The following ARHGEF7 variants were observed in gnomAD, a reference collection of about 807,000 sequenced individuals.
ARHGEF7 encodes PAK-interacting exchange factor beta.
In ARHGEF7, 33 loss-of-function variants were observed where a neutral mutation model predicts 109.8. The observed-to-expected ratio is 0.30, with a 90% confidence interval of 0.23 to 0.40. ARHGEF7 has a LOEUF of 0.40. ARHGEF7 is among the 10% of genes least tolerant of loss of function. ARHGEF7 has a pLI of 1.00. For missense variants in ARHGEF7, 938 were observed against 1,098.5 expected, an observed-to-expected ratio of 0.85 and a Z score of 2.07; for synonymous variants, 458 against 424.6, an observed-to-expected ratio of 1.08 and a Z score of -0.97.
chr13:111,178,667 G>A (rs1368382501), intron 2 of ARHGEF7, among the ~76,000 whole-genome samples: 1 of 152,232 alleles, frequency 6.6e-6, no homozygotes, highest in East Asian at 1.9e-4. Flanking sequence ...CCAGCCATCT[G>A]TCAGGGAGGC....
At chr13:111,124,909 G>A (rs1021006862) in intron 1 of ARHGEF7, among the ~76,000 whole-genome samples, 5 of 152,112 alleles carry the variant, frequency 3.3e-5, no homozygotes, top group African/African-American at 1.2e-4. Context: ...ACAGGTGTGC[G>A]CCACCATGCC....
chr13:111,266,691 G>T lies in ARHGEF7; in HGVS notation c.951-857G>T. ...GGAATCCCTGGTGTTCATGTTTTTG[G>T]TCACTTTTTCTCTGGCTCCCATTCC... On this transcript the variant is annotated intron_variant, in intron 8 of 21. Coordinates refer to ENST00000646102, the MANE Select transcript of ARHGEF7 (RefSeq NM_001354046.2). This position sits in a 1 kb window ranked among gnomAD's most constrained non-coding sequence, Gnocchi z 4.8. The T allele has an allele frequency of 5.0e-6, 2 of 398,188 alleles. No homozygotes were observed. Among genetic ancestry groups the T allele is most frequent in the South Asian group, 1.8e-5 (1 of 55,664 alleles). The allele number at this position is 398,188 out of a possible 1,614,324, so 24.7% of individuals were successfully genotyped here.
intron 2 of ARHGEF7, chr13:111,158,978 G>A (rs972800776): frequency 5.6e-6 from 4 of 716,568 alleles, no homozygotes; most frequent in African/African-American, 1.7e-5. Flanking sequence ...CCTCCCGTCC[G>A]ACTGAAATTT....
chr13:111,130,442 C>G (rs1485229372), intron 1 of ARHGEF7, among the ~76,000 whole-genome samples: 3 of 152,124 alleles, frequency 2.0e-5, no homozygotes, highest in African/African-American at 7.2e-5. Context: ...TTTGCTGTCC[C>G]CTACTTTTGA....
At chr13:111,200,691 A>G (rs1184142139) in intron 2 of ARHGEF7, among the ~76,000 whole-genome samples, 1 of 152,210 alleles carries the variant, frequency 6.6e-6, no homozygotes, top group African/African-American at 2.4e-5. Flanking sequence ...CATACATGAC[A>G]AGGTTAGTAT....
intron 6 of ARHGEF7, among the ~76,000 whole-genome samples, chr13:111,242,597 G>T (rs991187109): frequency 6.6e-6 from 1 of 152,222 alleles, no homozygotes; most frequent in Non-Finnish European, 1.5e-5. Context: ...CACTAGCTCT[G>T]TAACAGACTC....
rs1465266052 is a variant in ARHGEF7 at position 111,145,580 on chromosome 13, GT to G, written c.166-8322del. The stretch of plus-strand genomic sequence containing the variant: ...GGGAGGGGTGGCCCTGGCGTGTACC[GT>G]TTGCTGATTTCTGTGCCGTAGGTAC... On this transcript the variant is annotated intron_variant, in intron 1 of 21. Transcript: ENST00000646102. The surrounding 1 kb of genome is among the most constrained non-coding windows in gnomAD (Gnocchi z 4.3). 6.6e-6 allele frequency among the ~76,000 whole-genome samples: 1 copy of G among 152,142 alleles called. No homozygotes were observed. The highest frequency in any genetic ancestry group is 6.5e-5 in the Admixed American group (1 of 15,280).
In ARHGEF7 at chr13:111,266,899, C is replaced by A. The variant is rs1269535795; in HGVS notation, c.951-649C>A. On this transcript the variant is annotated intron_variant, in intron 8 of 21. Coordinates refer to ENST00000646102, the MANE Select transcript of ARHGEF7 (RefSeq NM_001354046.2). The surrounding 1 kb of genome is among the most constrained non-coding windows in gnomAD (Gnocchi z 4.8). ...TGAGGTCTGGAGAGGTGAGCGTGTA[C>A]CCCGTTAGGCACACCCAACACTGAG... 1 of 455,972 alleles carries A rather than the reference C, an allele frequency of 2.2e-6. No homozygotes were observed. The highest frequency in any genetic ancestry group is 7.0e-5 in the East Asian group (1 of 14,372). 28.2% of individuals were successfully genotyped at this position (455,972 alleles called of 1,614,324 possible).
At chr13:111,286,503 G>A (rs535500255) in intron 17 of ARHGEF7, among the ~76,000 whole-genome samples, 3 of 152,294 alleles carry the variant, frequency 2.0e-5, no homozygotes, top group South Asian at 2.1e-4. Context: ...AGCTGGGGCC[G>A]GACCTGGAGG....
intron 2 of ARHGEF7, among the ~76,000 whole-genome samples, chr13:111,180,889 A>T (rs909219706): frequency 8.5e-5 from 13 of 152,228 alleles, no homozygotes; most frequent in Admixed American, 8.5e-4. Flanking sequence ...GCATCATGCA[A>T]CTGGAAGGAC....
intron 2 of ARHGEF7, among the ~76,000 whole-genome samples, chr13:111,164,981 A>G (rs2077012783): frequency 6.6e-6 from 1 of 152,208 alleles, no homozygotes; most frequent in African/African-American, 2.4e-5. Flanking sequence ...GTTTTTCTAA[A>G]GGATCCTTTT....
At chr13:111,284,074 T>C (rs1008496337) in intron 16 of ARHGEF7, among the ~76,000 whole-genome samples, 1 of 152,034 alleles carries the variant, frequency 6.6e-6, no homozygotes, top group African/African-American at 2.4e-5. Context: ...ATAATTGAGA[T>C]GAGAGTTGTT....
chr13:111,141,011 G>A (rs544352948), intron 1 of ARHGEF7, among the ~76,000 whole-genome samples: 1 of 152,240 alleles, frequency 6.6e-6, no homozygotes, highest in African/African-American at 2.4e-5. Flanking sequence ...TTTTAGAGCA[G>A]TTTTAGGTTT....
Position 111,273,711 on chromosome 13 carries a change from C to T in ARHGEF7, c.1074-103C>T. The T allele has an allele frequency of 2.7e-6, 4 of 1,496,636 alleles. No individual in the cohort carries two copies. The highest frequency in any genetic ancestry group is 3.7e-6 in the Non-Finnish European group (4 of 1,087,632). The allele number at this position is 1,496,636 out of a possible 1,614,324, so 92.7% of individuals were successfully genotyped here. A position where few individuals can be genotyped will look rare whatever the true frequency, so the allele number is the denominator to read the frequency against. On this transcript the variant is annotated intron_variant, in intron 9 of 21. Transcript: ENST00000646102. This position sits in a 1 kb window ranked among gnomAD's most constrained non-coding sequence, Gnocchi z 4.5. ...GGAGCCTTCCAGATGTTAAAAGCAA[C>T]ACTTATGTTTCATAAATTCTGGCTG...
Position 111,273,540 on chromosome 13 carries a change from G to A in ARHGEF7, c.1074-274G>A, listed in dbSNP as rs56226650. On this transcript the variant is annotated intron_variant, in intron 9 of 21. Coordinates refer to ENST00000646102, the MANE Select transcript of ARHGEF7 (RefSeq NM_001354046.2). The surrounding 1 kb of genome is among the most constrained non-coding windows in gnomAD (Gnocchi z 4.5). The stretch of plus-strand genomic sequence containing the variant: ...TGGCACTGATGTGCTGGAGGACCTC[G>A]CCATCAGTAGGATCTCATGGAGACC... 0.017 allele frequency among the ~76,000 whole-genome samples: 2,595 copies of A among 152,278 alleles called. 69 individuals are homozygous for A. The highest frequency in any genetic ancestry group is 0.06 in the African/African-American group (2,502 of 41,556).
chr13:111,158,166 C>T (rs890821991), intron 2 of ARHGEF7, among the ~76,000 whole-genome samples: 1 of 152,152 alleles, frequency 6.6e-6, no homozygotes, highest in Non-Finnish European at 1.5e-5. Flanking sequence ...GTTCTTGATA[C>T]TTAGCTATAT....
intron 1 of ARHGEF7, 45 bp from the exon 2 acceptor site, chr13:111,153,860 C>T: frequency 6.3e-7 from 1 of 1,575,688 alleles, no homozygotes; most frequent in African/African-American, 1.4e-5. Context: ...CCGCGGCGTC[C>T]CCGCTGCCGG....
chr13:111,143,569 A>G (rs1264830420), intron 1 of ARHGEF7: 1 of 152,266 alleles, frequency 6.6e-6, no homozygotes, highest in Non-Finnish European at 1.5e-5. Context: ...GGTCACAAGC[A>G]TGAAGGTGAA....
At chr13:111,261,219 G>A (rs562729071) in intron 8 of ARHGEF7, among the ~76,000 whole-genome samples, 1 of 151,550 alleles carries the variant, frequency 6.6e-6, no homozygotes, top group East Asian at 1.9e-4. Context: ...AAACCAAAAA[G>A]ACAAAAAACC....
Sources: gnomAD v4.1 joint callset for allele counts (sites outside exome capture counted in the v4.1 genomes callset) on GRCh38, gnomAD v4.1.1 for gene constraint, Gnocchi (gnomAD v3.1) non-coding constraint, MANE v1.5 for transcripts, NCBI Gene and HGNC (gene_info 2026-07-23, HGNC 2026-07-21) for gene names.